The following KCNIP4 variants were observed in gnomAD, a reference collection of about 807,000 sequenced individuals.
KCNIP4 encodes potassium voltage-gated channel interacting protein 4.
A neutral mutation model predicts 34.0 loss-of-function variants in KCNIP4; 12 were observed. The observed-to-expected ratio is 0.35, with a 90% CI of 0.23 to 0.57. The LOEUF (loss-of-function observed/expected upper bound fraction) is 0.57, where lower values mean the gene tolerates loss of function less well. KCNIP4 is among the 20% of genes least tolerant of loss of function. The pLI is 0.83. For missense variants in KCNIP4, 238 were observed against 311.7 expected, an observed-to-expected ratio of 0.76 and a Z score of 1.78; for synonymous variants, 124 against 102.2, an observed-to-expected ratio of 1.21 and a Z score of -1.29.
intron 1 of KCNIP4, among the ~76,000 whole-genome samples, chr4:21,542,232 C>A (rs915434149): frequency 6.6e-6 from 1 of 151,978 alleles, no homozygotes. Flanking sequence ...AATTCAAAGG[C>A]GACCCAAAAG....
chr4:21,564,947 G>A (rs1739738000), intron 1 of KCNIP4, among the ~76,000 whole-genome samples: 2 of 152,088 alleles, frequency 1.3e-5, no homozygotes, highest in African/African-American at 4.8e-5. Flanking sequence ...TAACCCCCTT[G>A]AGTCAAACAT....
At chr4:21,842,506 T>C (rs1723745618) in intron 1 of KCNIP4, among the ~76,000 whole-genome samples, 2 of 152,186 alleles carry the variant, frequency 1.3e-5, no homozygotes, top group Admixed American at 6.6e-5. Flanking sequence ...AAATGCTTTT[T>C]ATGTACAAGT....
chr4:21,396,729 G>A (rs1384623587), intron 1 of KCNIP4, among the ~76,000 whole-genome samples: 1 of 152,038 alleles, frequency 6.6e-6, no homozygotes, highest in Non-Finnish European at 1.5e-5. Flanking sequence ...GTCAGAGTCA[G>A]AGATGAAGCT....
chr4:21,821,244 A>G (rs948933625), intron 1 of KCNIP4, among the ~76,000 whole-genome samples: 2 of 152,118 alleles, frequency 1.3e-5, no homozygotes, highest in Admixed American at 6.6e-5. Flanking sequence ...CCACCCATGA[A>G]GCAAGAGCTT....
chr4:21,270,529 T>C (rs1043648978), intron 1 of KCNIP4, among the ~76,000 whole-genome samples: 1 of 152,198 alleles, frequency 6.6e-6, no homozygotes, highest in African/African-American at 2.4e-5. Context: ...ACTTTAACTG[T>C]AGAAAATAAG....
chr4:21,893,129 A>G (rs930051086), intron 1 of KCNIP4, among the ~76,000 whole-genome samples: 20 of 152,176 alleles, frequency 1.3e-4, no homozygotes, highest in African/African-American at 4.6e-4. Flanking sequence ...GAGCAAAAAG[A>G]TATTTCATAT....
chr4:20,871,699 T>C (rs1178130589), intron 2 of KCNIP4, among the ~76,000 whole-genome samples: 2 of 152,142 alleles, frequency 1.3e-5, no homozygotes, highest in African/African-American at 2.4e-5. Context: ...CACATGGTCT[T>C]TACATATTCT....
chr4:21,098,559 T>C (rs542301760), intron 1 of KCNIP4, among the ~76,000 whole-genome samples: 45 of 152,298 alleles, frequency 3.0e-4, no homozygotes, highest in African/African-American at 1.1e-3. Flanking sequence ...CAACAAAGCC[T>C]GAATAACAGT....
chr4:21,644,976 G>A (rs951297535), intron 1 of KCNIP4, among the ~76,000 whole-genome samples: 2 of 152,006 alleles, frequency 1.3e-5, no homozygotes, highest in Non-Finnish European at 2.9e-5. Flanking sequence ...GAGCTTAAAG[G>A]TACCCTAGGG....
intron 1 of KCNIP4, among the ~76,000 whole-genome samples, chr4:21,514,635 T>C (rs1018699279): frequency 5.9e-5 from 9 of 152,048 alleles, no homozygotes; most frequent in African/African-American, 1.9e-4. Context: ...GTTGGAGGGT[T>C]ACAGAAGAAA....
At chr4:20,865,963 T>G (rs1489055531) in intron 2 of KCNIP4, among the ~76,000 whole-genome samples, 1 of 151,926 alleles carries the variant, frequency 6.6e-6, no homozygotes, top group Admixed American at 6.6e-5. Context: ...CATAAACATA[T>G]AAATAACATT....
chr4:20,965,271 A>G (rs1487653966), intron 1 of KCNIP4, among the ~76,000 whole-genome samples: 5 of 152,180 alleles, frequency 3.3e-5, no homozygotes, highest in Non-Finnish European at 7.4e-5. Context: ...CTCAGAGCCT[A>G]TATTGCTTTT....
At chr4:21,304,748 T>C (rs952075359) in intron 1 of KCNIP4, 1 of 152,196 alleles carries the variant, frequency 6.6e-6, no homozygotes, top group Non-Finnish European at 1.5e-5. Context: ...TGAGCACTAA[T>C]ATTCTGGTTT....
chr4:20,875,647 A>C (rs927515622), intron 2 of KCNIP4, among the ~76,000 whole-genome samples: 1 of 152,150 alleles, frequency 6.6e-6, no homozygotes, highest in African/African-American at 2.4e-5. Context: ...TCCTGACTAC[A>C]TGCCTAGGTC....
At chr4:21,192,186 T>C (rs1029254996) in intron 1 of KCNIP4, among the ~76,000 whole-genome samples, 1 of 152,194 alleles carries the variant, frequency 6.6e-6, no homozygotes, top group African/African-American at 2.4e-5. Flanking sequence ...CATTTTCTTA[T>C]AGTTAAATGG....
In KCNIP4 at chr4:21,799,347, G is replaced by A. The variant is rs79828848; in HGVS notation, c.61+149224C>T. On this transcript the variant is annotated intron_variant, in intron 1 of 8. Coordinates refer to ENST00000382152, the MANE Select transcript of KCNIP4 (RefSeq NM_025221.6). The stretch of plus-strand genomic sequence containing the variant: ...AGCCAGAAATTGAATCTAGGTATGG[G>A]TAACTCCAAACACCACACTCTTAAA... Among the ~76,000 whole-genome samples the A allele has an allele frequency of 8.4e-3, 1,285 of 152,200 alleles. 14 individuals carry two copies. Among genetic ancestry groups the A allele is most frequent in the South Asian group, 0.028 (137 of 4,814 alleles).
chr4:21,529,662 T>C (rs1263365218), intron 1 of KCNIP4, among the ~76,000 whole-genome samples: 1 of 152,132 alleles, frequency 6.6e-6, no homozygotes, highest in African/African-American at 2.4e-5. Flanking sequence ...GGATTCCATT[T>C]CAGGATATAA....
chr4:21,784,117 C>A (rs1255305760), intron 1 of KCNIP4, among the ~76,000 whole-genome samples: 1 of 150,562 alleles, frequency 6.6e-6, no homozygotes, highest in African/African-American at 2.4e-5. Flanking sequence ...GAGAAGCAGG[C>A]ACCTTCTTCA....
At chr4:21,708,132 A>C (rs1713435399) in intron 1 of KCNIP4, among the ~76,000 whole-genome samples, 2 of 152,132 alleles carry the variant, frequency 1.3e-5, no homozygotes, top group South Asian at 4.1e-4. Flanking sequence ...CTCAGCTATT[A>C]AACAGTCATG....
Sources: allele counts gnomAD v4.1 joint callset (sites outside exome capture counted in the v4.1 genomes callset), GRCh38; gene constraint gnomAD v4.1.1; transcripts MANE v1.5; gene names NCBI Gene and HGNC (gene_info 2026-07-23, HGNC 2026-07-21).